NLGN1: variants seen among roughly 807,000 people sequenced by gnomAD.
NLGN1 encodes the protein neuroligin 1.
In NLGN1, 12 loss-of-function variants were observed where a neutral mutation model predicts 65.5. That is an observed-to-expected ratio of 0.18 (90% CI 0.12 to 0.30). The LOEUF (loss-of-function observed/expected upper bound fraction) is 0.30, where lower values mean the gene tolerates loss of function less well. NLGN1 is among the 10% of genes least tolerant of loss of function. The pLI is 1.00. For synonymous variants in NLGN1, 350 were observed against 359.5 expected, an observed-to-expected ratio of 0.97 and a Z score of 0.30; for missense variants, 750 against 1,007.1, an observed-to-expected ratio of 0.74 and a Z score of 3.46.
intron 4 of NLGN1, among the ~76,000 whole-genome samples, chr3:173,993,797 A>T (rs536708305): frequency 6.6e-6 from 1 of 151,910 alleles, no homozygotes; most frequent in Non-Finnish European, 1.5e-5. Context: ...GTATATATGT[A>T]TATAGTATTG....
chr3:173,514,871 T>C (rs2149108840), intron 2 of NLGN1, among the ~76,000 whole-genome samples: 1 of 152,360 alleles, frequency 6.6e-6, no homozygotes, highest in East Asian at 1.9e-4. Context: ...TATTTTATTG[T>C]ATGCATATAC....
intron 2 of NLGN1, among the ~76,000 whole-genome samples, chr3:173,526,932 G>A (rs1019990297): frequency 4.6e-5 from 7 of 152,040 alleles, no homozygotes; most frequent in Non-Finnish European, 7.4e-5. Flanking sequence ...GATCTCATTC[G>A]TTTTTATGGC....
At chr3:173,442,131 C>G (rs1378318629) in intron 2 of NLGN1, among the ~76,000 whole-genome samples, 1 of 152,014 alleles carries the variant, frequency 6.6e-6, no homozygotes, top group Non-Finnish European at 1.5e-5. Context: ...TAGAAAAATG[C>G]CAATAACATT....
At chr3:174,094,616 G>T (rs910394321) in intron 4 of NLGN1, among the ~76,000 whole-genome samples, 1 of 151,716 alleles carries the variant, frequency 6.6e-6, no homozygotes, top group Non-Finnish European at 1.5e-5. Context: ...TGCCCTGAGG[G>T]TATAAACAAT....
chr3:174,203,749 A>C (rs148152262), intron 4 of NLGN1, among the ~76,000 whole-genome samples: 2 of 152,184 alleles, frequency 1.3e-5, no homozygotes, highest in African/African-American at 4.8e-5. Context: ...CCATAGATAC[A>C]TATTTTTCAT....
At chr3:173,840,208 A>G (rs755126278) in intron 4 of NLGN1, among the ~76,000 whole-genome samples, 2 of 152,186 alleles carry the variant, frequency 1.3e-5, no homozygotes, top group Non-Finnish European at 2.9e-5. Flanking sequence ...ATCATTCAAG[A>G]AAAAGGGGAC....
At chr3:174,167,842 T>A (rs1428506889) in intron 4 of NLGN1, among the ~76,000 whole-genome samples, 1 of 151,674 alleles carries the variant, frequency 6.6e-6, no homozygotes, top group Non-Finnish European at 1.5e-5. Context: ...ATGCCAATAA[T>A]TAACAGGTTT....
At chr3:173,760,686 T>G (rs1777844148) in intron 3 of NLGN1, among the ~76,000 whole-genome samples, 1 of 152,018 alleles carries the variant, frequency 6.6e-6, no homozygotes, top group Non-Finnish European at 1.5e-5. Flanking sequence ...ATGAATGATA[T>G]AGATAAATTT....
chr3:173,764,611 A>G (rs1778480951), intron 3 of NLGN1, among the ~76,000 whole-genome samples: 1 of 152,156 alleles, frequency 6.6e-6, no homozygotes, highest in Admixed American at 6.5e-5. Flanking sequence ...CTACCACAAA[A>G]GTTTTAATGC....
At chr3:173,708,865 A>G (rs1445376323) in intron 3 of NLGN1, among the ~76,000 whole-genome samples, 1 of 152,234 alleles carries the variant, frequency 6.6e-6, no homozygotes, top group Non-Finnish European at 1.5e-5. Context: ...TTTCAATTAT[A>G]TATGCTTTAG....
chr3:173,715,268 AAT>A (rs949632372), intron 3 of NLGN1, among the ~76,000 whole-genome samples: 1 of 152,206 alleles, frequency 6.6e-6, no homozygotes, highest in African/African-American at 2.4e-5. Flanking sequence ...GTCCAGTAAG[AAT>A]ATATGTTACT....
In NLGN1 at chr3:174,138,655, T is replaced by C. The variant is rs757745746; in HGVS notation, c.647-136660T>C. ...TTCACCGTGTTAGCCAGGATGGTCT[T>C]GATCTCCTGACCTCGTGATCCGCCC... On this transcript the variant is annotated intron_variant, in intron 4 of 6. Transcript: ENST00000457714. 3.0e-3 allele frequency among the ~76,000 whole-genome samples: 451 copies of C among 151,980 alleles called. 3 individuals carry two copies. Among genetic ancestry groups the C allele is most frequent in the African/African-American group, 4.9e-3 (202 of 41,482 alleles).
At chr3:173,560,247 T>C (rs1742489351) in intron 2 of NLGN1, among the ~76,000 whole-genome samples, 1 of 152,120 alleles carries the variant, frequency 6.6e-6, no homozygotes, top group African/African-American at 2.4e-5. Context: ...ATACACTTTT[T>C]AATAAATCTG....
chr3:173,649,721 A>G (rs755942174), intron 3 of NLGN1, among the ~76,000 whole-genome samples: 2 of 152,128 alleles, frequency 1.3e-5, no homozygotes, highest in Non-Finnish European at 2.9e-5. Flanking sequence ...AGTTGGTTTT[A>G]GGATTGTATC....
rs114789057 is a variant in NLGN1, at chr3:173,650,450, T to C, written c.493+45359T>C. 3.2e-3 allele frequency among the ~76,000 whole-genome samples: 489 copies of C among 152,302 alleles called. 5 individuals carry two copies. Among genetic ancestry groups the C allele is most frequent in the African/African-American group, 0.011 (466 of 41,582 alleles). On this transcript the variant is annotated intron_variant, in intron 3 of 6. Transcript: ENST00000457714. ...AATACAGATTTCACCACAATGGTTA[T>C]TGTATAGTTTACACTTGCTCCAGAA...
intron 1 of NLGN1, among the ~76,000 whole-genome samples, chr3:173,434,131 G>T (rs1423050281): frequency 6.6e-6 from 1 of 152,160 alleles, no homozygotes; most frequent in Admixed American, 6.5e-5. Context: ...GTCAGGAGAG[G>T]TGGGGAATTA....
At chr3:174,200,974 C>T (rs922690052) in intron 4 of NLGN1, among the ~76,000 whole-genome samples, 3 of 152,106 alleles carry the variant, frequency 2.0e-5, no homozygotes, top group South Asian at 4.1e-4. Context: ...TGGTTGTTCA[C>T]GCCCGTAATC....
In NLGN1 at chr3:174,238,368, T is replaced by TG. The variant is rs199893688; in HGVS notation, c.647-36947_647-36946insG. The stretch of plus-strand genomic sequence containing the variant: ...TTCACTATTATGAAGTTCTTTTTTT[T>TG]TTGTTGTTTGTTTGAGATGGAGTCT... On this transcript the variant is annotated intron_variant, in intron 4 of 6. Transcript: ENST00000457714. Among the ~76,000 whole-genome samples the TG allele has an allele frequency of 6.0e-3, 906 of 152,160 alleles. 21 individuals carry two copies. The highest frequency in any genetic ancestry group is 0.031 in the East Asian group (158 of 5,170).
intron 3 of NLGN1, among the ~76,000 whole-genome samples, chr3:173,662,255 C>T (rs1761032031): frequency 6.6e-6 from 1 of 151,936 alleles, no homozygotes; most frequent in Non-Finnish European, 1.5e-5. Context: ...TTATGGAATC[C>T]TAAAGTTAAT....
Sources: allele counts gnomAD v4.1 joint callset (sites outside exome capture counted in the v4.1 genomes callset), GRCh38; gene constraint gnomAD v4.1.1; transcripts MANE v1.5; gene names NCBI Gene and HGNC (gene_info 2026-07-23, HGNC 2026-07-21).